Variants in AR observed in about 807,000 individuals in gnomAD.
AR encodes androgen receptor.
AR carries 8 observed loss-of-function variants against 53.9 expected under a neutral mutation model. That is an observed-to-expected ratio of 0.15 (90% CI 0.09 to 0.27). AR has a LOEUF of 0.27. Ranked by LOEUF, AR falls within the 10% of genes least tolerant of loss-of-function variation. The pLI is 1.00. For synonymous variants in AR, 359 were observed against 316.4 expected (o/e 1.13, Z -1.43); for missense variants, 639 against 742.5 (o/e 0.86, Z 1.62).
chrX:67,685,353 A>C (rs930792131), intron 2 of AR, among the ~76,000 whole-genome samples: 1 of 111,311 alleles, frequency 9.0e-6, no homozygotes, highest in African/African-American at 3.3e-5. Flanking sequence ...TGACAACTCC[A>C]GGTGTTCATG....
Position 67,632,515 on chromosome X carries a change from C to T in AR, c.1617-10741C>T, listed in dbSNP as rs190376145. Among the ~76,000 whole-genome samples, 895 of 112,323 alleles carry T rather than the reference C, an allele frequency of 8.0e-3. 6 individuals are homozygous for T. Among genetic ancestry groups the T allele is most frequent in the African/African-American group, 0.028 (854 of 30,891 alleles). ...GCTTCGGCTCACACACGGTGCGCTG[C>T]ACCCACTGACCTGCGCCCACTGTCT... On this transcript the variant is annotated intron_variant, in intron 1 of 7. Transcript: ENST00000374690.
At chrX:67,558,111 G>A (rs1364176204) in intron 1 of AR, among the ~76,000 whole-genome samples, 1 of 112,023 alleles carries the variant, frequency 8.9e-6, no homozygotes, top group Non-Finnish European at 1.9e-5. Flanking sequence ...ACCTGGCTAA[G>A]CTCATACAGC....
intron 1 of AR, among the ~76,000 whole-genome samples, chrX:67,564,564 C>A (rs1921473604): frequency 9.0e-6 from 1 of 111,701 alleles, no homozygotes; most frequent in African/African-American, 3.3e-5. Context: ...AGTTTGTGTG[C>A]ATAGAGGTGT....
intron 1 of AR, among the ~76,000 whole-genome samples, chrX:67,627,394 T>C (rs1482190864): frequency 1.8e-5 from 2 of 112,431 alleles, no homozygotes; most frequent in Non-Finnish European, 3.8e-5. Context: ...ATGGTGAGCA[T>C]TTTTTCATGT....
At chrX:67,673,068 C>G (rs2075876124) in intron 2 of AR, among the ~76,000 whole-genome samples, 1 of 105,624 alleles carries the variant, frequency 9.5e-6, no homozygotes, top group Admixed American at 1.0e-4. Context: ...TTCTTCAGCC[C>G]TTCAGGTAAG....
At chrX:67,686,247 G>C (rs2075966236) in intron 3 of AR, 121 bp downstream of exon 3, 2 of 788,174 alleles carry the variant, frequency 2.5e-6, no homozygotes, top group South Asian at 2.3e-5. Context: ...CCATGCTCTA[G>C]ACACAGGCTG....
At position 67,545,901 on chromosome X, in the gene AR, A is replaced by G. The variant is rs1300639636; in HGVS notation, c.755A>G (p.Glu252Gly). The G allele has an allele frequency of 8.3e-7, 1 of 1,211,811 alleles. No individual in the cohort carries two copies. The highest frequency in any genetic ancestry group is 2.2e-5 in the Admixed American group (1 of 46,101). ...AVSVSMGLGV[E>G]ALEHLSPGEQ... ...TCGGTGTCCATGGGCCTGGGTGTGG[A>G]GGCGTTGGAGCATCTGAGTCCAGGG... is the stretch of plus-strand genomic sequence containing the variant. The change falls in exon 1 of 8, where the codon GAG (glutamate) becomes GGG (glycine). Residue 252 changes from glutamate (E) to glycine (G), a missense_variant. Glu to Gly is a moderately conservative substitution (Grantham distance 98). Transcript: ENST00000374690.
chrX:67,625,052 G>A (rs890597727), intron 1 of AR, among the ~76,000 whole-genome samples: 3 of 108,775 alleles, frequency 2.8e-5, no homozygotes, highest in Non-Finnish European at 5.7e-5. Context: ...ATTAAAACGA[G>A]TAAACGAGTT....
At chrX:67,609,168 AT>A (rs2147384549) in intron 1 of AR, among the ~76,000 whole-genome samples, 1 of 111,427 alleles carries the variant, frequency 9.0e-6, no homozygotes, top group South Asian at 3.7e-4. Flanking sequence ...GTTATTTCTT[AT>A]TTTTTAAATA....
chrX:67,710,474 C>G (rs772262813), intron 3 of AR, among the ~76,000 whole-genome samples: 5 of 110,515 alleles, frequency 4.5e-5, no homozygotes, highest in African/African-American at 1.6e-4. Flanking sequence ...ATGTGCACCA[C>G]CAGACCCAGC....
intron 3 of AR, among the ~76,000 whole-genome samples, chrX:67,686,373 A>C (rs974494489): frequency 1.3e-4 from 14 of 111,579 alleles, no homozygotes; most frequent in African/African-American, 4.2e-4. Context: ...AGCAGGGATC[A>C]GGAGCCAACA....
rs1290016472 is a variant in AR at position 67,690,372 on chromosome X, T to C, written c.1885+4246T>C. On this transcript the variant is annotated intron_variant, in intron 3 of 7. Transcript: ENST00000374690. ...GATGTCGTTATGGACGCTATGAACATCCTTGCAGTTTCCATTGTTGAAGAC... is the reference window on the plus strand; with the variant it reads ...GATGTCGTTATGGACGCTATGAACACCCTTGCAGTTTCCATTGTTGAAGAC... Among the ~76,000 whole-genome samples, 4 of 111,807 alleles carry C rather than the reference T, an allele frequency of 3.6e-5. No individual in the cohort carries two copies. In the East Asian group the frequency reaches 8.5e-4, roughly 24 times the overall value.
intron 1 of AR, among the ~76,000 whole-genome samples, chrX:67,626,632 A>ATT (rs1474875089): frequency 2.9e-4 from 29 of 99,528 alleles, no homozygotes; most frequent in African/African-American, 1.0e-3. Flanking sequence ...ATATATATAT[A>ATT]TATTTATTAT....
intron 1 of AR, among the ~76,000 whole-genome samples, chrX:67,626,668 A>G (rs1924670365): frequency 9.9e-6 from 1 of 101,464 alleles, no homozygotes; most frequent in Non-Finnish European, 2.0e-5. Flanking sequence ...TTTAGGGTAC[A>G]TGTGCACAAT....
chrX:67,720,909 C>T (rs1454775384), intron 5 of AR, among the ~76,000 whole-genome samples: 5 of 110,184 alleles, frequency 4.5e-5, no homozygotes, highest in African/African-American at 1.7e-4. Context: ...CACACACACA[C>T]GATTTTTGAA....
rs185686455 is a variant in AR, at chrX:67,717,102, A to G, written c.2174-376A>G. 3.1e-3 allele frequency among the ~76,000 whole-genome samples: 351 copies of G among 112,316 alleles called. 2 individuals carry two copies. Among genetic ancestry groups the G allele is most frequent in the Non-Finnish European group, 5.6e-3 (301 of 53,295 alleles). ...AGAGTTAAATGTACCCCATAAATAC[A>G]TACAACTATCATGTACCCAAAATTA... On this transcript the variant is annotated intron_variant, in intron 4 of 7. Transcript: ENST00000374690.
rs767724616 is a variant in AR, at chrX:67,661,752, T to A, written c.1768+18345T>A. On this transcript the variant is annotated intron_variant, in intron 2 of 7. Coordinates refer to ENST00000374690, the MANE Select transcript of AR (RefSeq NM_000044.6). Reference sequence around the variant, plus strand: ...CCTCTTTTTCTATTTATTGGAATAGTTTCAGAAGGAAGGGTACCAGCTCCT... The same window carrying A: ...CCTCTTTTTCTATTTATTGGAATAGATTCAGAAGGAAGGGTACCAGCTCCT... Among the ~76,000 whole-genome samples, 9 of 111,589 alleles carry A rather than the reference T, an allele frequency of 8.1e-5. No homozygotes were observed. In the East Asian group the frequency reaches 2.6e-3, roughly 32 times the overall value.
chrX:67,655,883 CA>C (rs1664215626), intron 2 of AR, among the ~76,000 whole-genome samples: 1 of 112,498 alleles, frequency 8.9e-6, no homozygotes, highest in South Asian at 3.7e-4. Flanking sequence ...CATCAAATTA[CA>C]GCACATTTTC....
chrX:67,620,439 G>C (rs185194893), intron 1 of AR, among the ~76,000 whole-genome samples: 281 of 109,789 alleles, frequency 2.6e-3, no homozygotes, highest in African/African-American at 8.7e-3. Context: ...GGAAGATGGA[G>C]TGAGATGGGG....
Sources: gnomAD v4.1 joint callset for allele counts (sites outside exome capture counted in the v4.1 genomes callset) on GRCh38, gnomAD v4.1.1 for gene constraint, MANE v1.5 for transcripts, NCBI Gene and HGNC (gene_info 2026-07-23, HGNC 2026-07-21) for gene names.